The following RDX variants were observed in gnomAD, a reference collection of about 807,000 sequenced individuals.
RDX encodes deafness, autosomal recessive 24.
In RDX, 32 loss-of-function variants were observed where a neutral mutation model predicts 83.7. That is an observed-to-expected ratio of 0.38 (90% CI 0.29 to 0.51). RDX has a LOEUF of 0.51. Ranked by LOEUF, RDX falls within the 20% of genes least tolerant of loss-of-function variation. The pLI, the probability that RDX is intolerant of heterozygous loss-of-function variation, is 0.87. For missense variants in RDX, 600 were observed against 689.9 expected, an observed-to-expected ratio of 0.87 and a Z score of 1.46; for synonymous variants, 229 against 222.7, an observed-to-expected ratio of 1.03 and a Z score of -0.25.
At chr11:110,287,053 G>A (rs554374393) in intron 1 of RDX, 1 of 152,116 alleles carries the variant, frequency 6.6e-6, no homozygotes, top group South Asian at 2.1e-4. Context: ...AAGTTATTTC[G>A]AGACAGCTTT....
chr11:110,216,695 T>G (rs1211448174), intron 14 of RDX, among the ~76,000 whole-genome samples: 2 of 151,184 alleles, frequency 1.3e-5, no homozygotes, highest in African/African-American at 4.9e-5. Flanking sequence ...TATTTTTAAT[T>G]TTTGTAGAGT....
chr11:110,217,472 C>A (rs1488396552), intron 14 of RDX, among the ~76,000 whole-genome samples: 2 of 152,212 alleles, frequency 1.3e-5, no homozygotes, highest in East Asian at 3.8e-4. Context: ...ACTCCTCCCA[C>A]CAGAAGTCCT....
At chr11:110,283,549 T>C (rs749039597) in intron 1 of RDX, among the ~76,000 whole-genome samples, 52 of 152,278 alleles carry the variant, frequency 3.4e-4, no homozygotes, top group Middle Eastern at 3.4e-3. Flanking sequence ...TAATAAAATG[T>C]AAGTAAGTTA....
In RDX at chr11:110,254,058, A is replaced by C; in HGVS notation, c.847T>G (p.Leu283Val). ...TATAGTTCATGGTTTCCCATACATAAGGCCAAAATCCGCTTATTGATTCTC... is the reference window on the plus strand; with the variant it reads ...TATAGTTCATGGTTTCCCATACATACGGCCAAAATCCGCTTATTGATTCTC... ...RLRINKRILALCMGNHELYMR... is the reference protein window; with the variant it reads ...RLRINKRILAVCMGNHELYMR... The change falls in exon 9 of 14, where the codon TTA becomes GTA. Residue 283 changes from leucine (L) to valine (V), a missense_variant. Transcript: ENST00000645495. 1 of 1,613,768 alleles carries C rather than the reference A, an allele frequency of 6.2e-7. No individual in the cohort carries two copies. The highest frequency in any genetic ancestry group is 8.5e-7 in the Non-Finnish European group (1 of 1,179,830).
chr11:110,202,512 A>G (rs1000688391), intron 14 of RDX, among the ~76,000 whole-genome samples: 1 of 152,042 alleles, frequency 6.6e-6, no homozygotes, highest in Non-Finnish European at 1.5e-5. Flanking sequence ...TCAACATCCC[A>G]GGCACAAGCA....
intron 1 of RDX, among the ~76,000 whole-genome samples, chr11:110,294,574 G>A (rs1861370660): frequency 6.6e-6 from 1 of 152,138 alleles, no homozygotes; most frequent in Non-Finnish European, 1.5e-5. Context: ...TTTGGGAACA[G>A]TGAACCAATA....
chr11:110,181,477 T>C (rs1862886166), intron 15 of RDX, among the ~76,000 whole-genome samples: 1 of 152,194 alleles, frequency 6.6e-6, no homozygotes, highest in African/African-American at 2.4e-5. Context: ...TGCATCTTAA[T>C]GCTCCTCTAA....
chr11:110,265,891 C>G (rs1204225780), intron 3 of RDX, among the ~76,000 whole-genome samples: 1 of 152,116 alleles, frequency 6.6e-6, no homozygotes, highest in Non-Finnish European at 1.5e-5. Context: ...AAAATTTACT[C>G]TATCATAATT....
At chr11:110,246,745 G>A (rs1859122619) in intron 10 of RDX, among the ~76,000 whole-genome samples, 3 of 47,886 alleles carry the variant, frequency 6.3e-5, no homozygotes, top group East Asian at 5.3e-4. Flanking sequence ...GTAAGACTGT[G>A]TCTCAAAAAA....
intron 10 of RDX, among the ~76,000 whole-genome samples, chr11:110,246,526 G>A (rs1480060070): frequency 6.6e-6 from 1 of 151,824 alleles, no homozygotes; most frequent in Non-Finnish European, 1.5e-5. Context: ...TGTAATCCCA[G>A]CACTTCAGGA....
rs59644159 is a variant in RDX at position 110,215,372 on chromosome 11, AT to A, written c.1749-15695del. The stretch of plus-strand genomic sequence containing the variant: ...AGCGAGACTCCATCTCAAAAAATAA[AT>A]AAATAAATAAATAAATAAATAAATA... On this transcript the variant is annotated intron_variant, in intron 14 of 15. Transcript: ENST00000528498. 6.9e-3 allele frequency among the ~76,000 whole-genome samples: 339 copies of A among 49,038 alleles called. 3 individuals carry two copies. The highest frequency in any genetic ancestry group is 0.023 in the African/African-American group (314 of 13,640). The allele number at this position is 49,038 out of a possible 152,430, so 32.2% of individuals were successfully genotyped here. A position where few individuals can be genotyped will look rare whatever the true frequency, so the allele number is the denominator to read the frequency against.
At chr11:110,234,758 A>G (rs749107793) in intron 12 of RDX, among the ~76,000 whole-genome samples, 8 of 152,202 alleles carry the variant, frequency 5.3e-5, no homozygotes, top group Non-Finnish European at 8.8e-5. Flanking sequence ...TTTTATTTAT[A>G]TATAACTAAT....
chr11:110,263,417 C>A (rs911872427), intron 5 of RDX: 2 of 152,180 alleles, frequency 1.3e-5, no homozygotes, highest in African/African-American at 4.8e-5. Context: ...ATTATCACTG[C>A]CTCCATTTAT....
chr11:110,281,574 G>A (rs1304939111), intron 1 of RDX, among the ~76,000 whole-genome samples: 4 of 152,084 alleles, frequency 2.6e-5, no homozygotes, highest in Non-Finnish European at 5.9e-5. Flanking sequence ...TGATCCGCCG[G>A]CCTTGGCCTC....
chr11:110,247,618 G>T, intron 10 of RDX, 85 bp downstream of exon 10: 1 of 1,358,902 alleles, frequency 7.4e-7, no homozygotes. Flanking sequence ...TAACAAATAA[G>T]GTTTAAGAGT....
chr11:110,234,356 C>G (rs4753881), intron 12 of RDX, among the ~76,000 whole-genome samples: 68,065 of 151,966 alleles, frequency 0.45, 15,475 homozygotes, highest in East Asian at 0.61. Flanking sequence ...ACAGCAAATA[C>G]AGACAATGCA....
Position 110,255,533 on chromosome 11 carries a change from C to T in RDX, c.699-148G>A, listed in dbSNP as rs1591156451. On this transcript the variant is annotated intron_variant, in intron 7 of 13. Transcript: ENST00000645495. ...TATTCATAACTACAGTTGACCTTAT[C>T]TTTTAAGGGGAAAACTGATAAATCA... 6 of 618,158 alleles carry T rather than the reference C, an allele frequency of 9.7e-6. No individual in the cohort carries two copies. In the East Asian group the frequency reaches 1.4e-4, roughly 15 times the overall value. 38.3% of individuals were successfully genotyped at this position (618,158 alleles called of 1,614,324 possible).
chr11:110,264,959 C>CA (rs1859967426), intron 3 of RDX, 85 bp from the exon 4 acceptor site: 2 of 947,342 alleles, frequency 2.1e-6, no homozygotes, highest in South Asian at 1.3e-5. Context: ...AAAAGGAGAA[C>CA]AAAACTATGT....
intron 8 of RDX, among the ~76,000 whole-genome samples, chr11:110,254,709 C>CGAG (rs1859475592): frequency 6.6e-6 from 1 of 152,140 alleles, no homozygotes; most frequent in Non-Finnish European, 1.5e-5. Context: ...CTCCTCATCT[C>CGAG]AGGTGATCTG....
Sources: allele counts gnomAD v4.1 joint callset (sites outside exome capture counted in the v4.1 genomes callset), GRCh38; gene constraint gnomAD v4.1.1; transcripts MANE v1.5; gene names NCBI Gene and HGNC (gene_info 2026-07-23, HGNC 2026-07-21).